The following SIPA1L1 variants were observed in gnomAD, a reference collection of about 807,000 sequenced individuals.
The protein encoded by SIPA1L1 is signal-induced proliferation-associated 1-like protein 1.
Under a neutral mutation model 162.7 loss-of-function variants are expected in SIPA1L1, and 26 were observed. The observed-to-expected ratio is 0.16, with a 90% CI of 0.12 to 0.22. SIPA1L1 has a LOEUF of 0.22. SIPA1L1 is among the 10% of genes least tolerant of loss of function. The pLI is 1.00. For synonymous variants in SIPA1L1, 829 were observed against 837.4 expected (o/e 0.99, Z 0.17); for missense variants, 1,874 against 2,241.0 (o/e 0.84, Z 3.31).
At chr14:71,418,365 A>C (rs1301982263) in intron 2 of SIPA1L1, among the ~76,000 whole-genome samples, 3 of 152,160 alleles carry the variant, frequency 2.0e-5, no homozygotes, top group African/African-American at 7.2e-5. Context: ...ATATATTTAA[A>C]ATTTGCTAAT....
intron 2 of SIPA1L1, among the ~76,000 whole-genome samples, chr14:71,490,341 A>G (rs2049140599): frequency 6.6e-6 from 1 of 152,140 alleles, no homozygotes; most frequent in South Asian, 2.1e-4. Context: ...ATCTTAACCA[A>G]CACCTTTGTG....
In SIPA1L1 at chr14:71,660,070, A is replaced by T. The variant is rs947015467; in HGVS notation, c.2098-1240A>T. On this transcript the variant is annotated intron_variant, in intron 9 of 23. Coordinates refer to ENST00000381232, the MANE Select transcript of SIPA1L1 (RefSeq NM_001386936.1). ...GTTTCTATTTGGGTCCTTTATTAAG[A>T]CATTTATTTTTATATGTCAAGCCAT... 5.3e-5 allele frequency among the ~76,000 whole-genome samples: 8 copies of T among 152,298 alleles called. No homozygotes were observed. The South Asian group carries it at 1.7e-3, about 32-fold the overall frequency.
In SIPA1L1 at chr14:71,589,285, G is replaced by C; in HGVS notation, c.1413G>C (p.Val471=). 1 of 1,613,962 alleles carries C rather than the reference G, an allele frequency of 6.2e-7. No homozygotes were observed. Among genetic ancestry groups the C allele is most frequent in the Non-Finnish European group, 8.5e-7 (1 of 1,179,884 alleles). The change falls in exon 5 of 24, where the codon GTG becomes GTC. Residue 471 remains valine, a synonymous_variant. Transcript: ENST00000381232. The part of the protein sequence containing the change: ...AVLEVPKENL[V]LHLDRVKRYI... Reference sequence around the variant, plus strand: ...TTGAAGTGCCCAAGGAGAACTTGGTGTTGCACCTAGATAGAGTGAAAAGAT... The same window carrying C: ...TTGAAGTGCCCAAGGAGAACTTGGTCTTGCACCTAGATAGAGTGAAAAGAT...
At chr14:71,470,416 T>C (rs1222138227) in intron 2 of SIPA1L1, among the ~76,000 whole-genome samples, 1 of 152,212 alleles carries the variant, frequency 6.6e-6, no homozygotes, top group Non-Finnish European at 1.5e-5. Flanking sequence ...GCCCAAACTT[T>C]TTAAGTGACT....
intron 2 of SIPA1L1, among the ~76,000 whole-genome samples, chr14:71,473,517 C>G (rs1015233806): frequency 1.3e-5 from 2 of 152,180 alleles, no homozygotes; most frequent in African/African-American, 4.8e-5. Context: ...TTGGTCTTTT[C>G]ATTTCTAGCA....
chr14:71,656,719 A>G (rs1228943281), intron 8 of SIPA1L1, among the ~76,000 whole-genome samples: 1 of 152,250 alleles, frequency 6.6e-6, no homozygotes, highest in Non-Finnish European at 1.5e-5. Context: ...TTCTCCAACA[A>G]GCTCAAGCTT....
At position 71,704,958 on chromosome 14, in the gene SIPA1L1, T is replaced by TTCA. The variant is rs1301274308; in HGVS notation, c.3647-263_3647-262insCAT. 9 of 632,446 alleles carry TTCA rather than the reference T, an allele frequency of 1.4e-5. No homozygotes were observed. In the East Asian group the frequency reaches 2.4e-4, roughly 17 times the overall value. The allele number at this position is 632,446 out of a possible 1,614,324, so 39.2% of individuals were successfully genotyped here. ...AAAGTTGATTCTGAACTTTGCTGCGTTGTTCATGGCCTTTGGTTTGGTGGT... is the reference window on the plus strand; with the variant it reads ...AAAGTTGATTCTGAACTTTGCTGCGTTCATGTTCATGGCCTTTGGTTTGGTGGT... On this transcript the variant is annotated intron_variant, in intron 15 of 23. Coordinates refer to ENST00000381232, the MANE Select transcript of SIPA1L1 (RefSeq NM_001386936.1).
chr14:71,601,560 G>A (rs1234296240), intron 5 of SIPA1L1, among the ~76,000 whole-genome samples: 1 of 151,964 alleles, frequency 6.6e-6, no homozygotes, highest in East Asian at 1.9e-4. Context: ...TTCTTTTTTT[G>A]TTGTGTCCTT....
chr14:71,635,631 C>T (rs1171187325), intron 7 of SIPA1L1, among the ~76,000 whole-genome samples: 1 of 151,990 alleles, frequency 6.6e-6, no homozygotes, highest in Non-Finnish European at 1.5e-5. Flanking sequence ...CATTCAAAAG[C>T]CCTATAGATA....
chr14:71,718,250 C>G (rs1475324147), intron 17 of SIPA1L1, among the ~76,000 whole-genome samples: 8 of 152,208 alleles, frequency 5.3e-5, no homozygotes, highest in Non-Finnish European at 5.9e-5. Flanking sequence ...CTGAAGTGCA[C>G]AGCTTCATGC....
At chr14:71,455,034 A>G (rs755880784) in intron 2 of SIPA1L1, among the ~76,000 whole-genome samples, 2 of 152,224 alleles carry the variant, frequency 1.3e-5, no homozygotes, top group Non-Finnish European at 2.9e-5. Context: ...AGAACCTGCT[A>G]GATCCTTCAT....
chr14:71,666,197 T>C (rs1255697344), intron 10 of SIPA1L1, among the ~76,000 whole-genome samples: 1 of 152,174 alleles, frequency 6.6e-6, no homozygotes, highest in Admixed American at 6.5e-5. Context: ...AAAAATTAAA[T>C]CTGAATCTGA....
At chr14:71,470,333 T>A (rs758727392) in intron 2 of SIPA1L1, among the ~76,000 whole-genome samples, 2 of 152,194 alleles carry the variant, frequency 1.3e-5, no homozygotes, top group Non-Finnish European at 2.9e-5. Flanking sequence ...GTAGTGACTT[T>A]GGGATTTAGA....
intron 2 of SIPA1L1, among the ~76,000 whole-genome samples, chr14:71,332,946 A>G (rs962607983): frequency 1.3e-5 from 2 of 152,236 alleles, no homozygotes; most frequent in Non-Finnish European, 1.5e-5. Context: ...AGAACTGAAG[A>G]AAGAAATTTA....
chr14:71,602,343 A>G (rs1192321425), intron 5 of SIPA1L1, among the ~76,000 whole-genome samples: 1 of 151,856 alleles, frequency 6.6e-6, no homozygotes. Flanking sequence ...CATATTGTTT[A>G]ATTTCTATTT....
chr14:71,615,082 G>A (rs1321855996), intron 5 of SIPA1L1, among the ~76,000 whole-genome samples: 1 of 152,076 alleles, frequency 6.6e-6, no homozygotes, highest in African/African-American at 2.4e-5. Flanking sequence ...TTTTCTTCCA[G>A]TATTCAGTCC....
intron 12 of SIPA1L1, among the ~76,000 whole-genome samples, chr14:71,675,995 G>T (rs2045128306): frequency 1.3e-5 from 2 of 150,870 alleles, no homozygotes; most frequent in South Asian, 4.2e-4. Context: ...ACATGTAAAA[G>T]CCTGTAATCC....
chr14:71,336,258 T>A (rs1370870713), intron 2 of SIPA1L1, among the ~76,000 whole-genome samples: 1 of 152,220 alleles, frequency 6.6e-6, no homozygotes, highest in Non-Finnish European at 1.5e-5. Context: ...CTTAGTATAT[T>A]CATACAGTTC....
intron 2 of SIPA1L1, among the ~76,000 whole-genome samples, chr14:71,396,247 G>C (rs957822494): frequency 6.6e-6 from 1 of 152,096 alleles, no homozygotes; most frequent in South Asian, 2.1e-4. Flanking sequence ...TGGTTACCAA[G>C]CCTTCTCTGC....
Sources: allele counts gnomAD v4.1 joint callset (sites outside exome capture counted in the v4.1 genomes callset), GRCh38; gene constraint gnomAD v4.1.1; transcripts MANE v1.5; gene names NCBI Gene and HGNC (gene_info 2026-07-23, HGNC 2026-07-21).